SCYL3: variants seen among roughly 807,000 people sequenced by gnomAD.
SCYL3 encodes protein-associating with the carboxyl-terminal domain of ezrin.
SCYL3 carries 35 observed loss-of-function variants against 73.8 expected under a neutral mutation model. The ratio of observed to expected loss-of-function variants is 0.47; its 90% CI spans 0.36 to 0.63. The LOEUF (loss-of-function observed/expected upper bound fraction) is 0.63, where lower values mean the gene tolerates loss of function less well. SCYL3 is among the 20% of genes least tolerant of loss of function. SCYL3 has a pLI of 0.00. For synonymous variants in SCYL3, 277 were observed against 295.2 expected (o/e 0.94, Z 0.63); for missense variants, 712 against 798.9 (o/e 0.89, Z 1.31).
chr1:169,879,749 A>G (rs868445932), intron 2 of SCYL3, among the ~76,000 whole-genome samples: 8 of 152,350 alleles, frequency 5.3e-5, no homozygotes, highest in Middle Eastern at 3.4e-3. Flanking sequence ...GGCCTCAGAT[A>G]TTAGAATTAC....
chr1:169,855,664 G>A (rs1659071156), intron 11 of SCYL3: 2 of 793,924 alleles, frequency 2.5e-6, no homozygotes, highest in South Asian at 2.0e-5. Flanking sequence ...GGAGAAACAA[G>A]ATGAGACCAA....
chr1:169,853,026 A>C lies in SCYL3; in HGVS notation c.*687T>G. 1 of 1,581,656 alleles carries C rather than the reference A, an allele frequency of 6.3e-7. No homozygotes were observed. On this transcript the variant is annotated 3_prime_UTR_variant, in exon 13 of 13. Transcript: ENST00000367771. ...GCAGAACTGGGTTTGATGCTTTGTC[A>C]ACTGAAAATACTTATGTCTGTACAT...
chr1:169,890,182 C>G (rs1661978631), intron 1 of SCYL3, among the ~76,000 whole-genome samples: 2 of 152,222 alleles, frequency 1.3e-5, no homozygotes, highest in Non-Finnish European at 2.9e-5. Flanking sequence ...ACTGTCAGAT[C>G]ATGCCACTTA....
chr1:169,888,645 C>G lies in SCYL3; in HGVS notation c.165+31G>C, dbSNP rs967001520. The G allele has an allele frequency of 2.6e-6, 4 of 1,564,054 alleles. No homozygotes were observed. The African/African-American group carries it at 4.1e-5, about 16-fold the overall frequency. ...AAAGAAAACAAGATAGTAAAAAGTA[C>G]TAACTATTAAGTCGTCACCTATTAT... On this transcript the variant is annotated intron_variant, in intron 2 of 12. Transcript: ENST00000367771.
At chr1:169,870,866 T>G (rs1660341665) in intron 5 of SCYL3, among the ~76,000 whole-genome samples, 2 of 152,236 alleles carry the variant, frequency 1.3e-5, no homozygotes, top group South Asian at 4.1e-4. Flanking sequence ...TGGATAAATC[T>G]GATTTATTTC....
At chr1:169,881,772 C>T (rs1238836441) in intron 2 of SCYL3, among the ~76,000 whole-genome samples, 1 of 152,150 alleles carries the variant, frequency 6.6e-6, no homozygotes, top group Non-Finnish European at 1.5e-5. Context: ...TTCATGAACA[C>T]AATTTTTTCA....
At chr1:169,867,987 G>GA (rs1389791216) in intron 7 of SCYL3, among the ~76,000 whole-genome samples, 1 of 152,094 alleles carries the variant, frequency 6.6e-6, no homozygotes, top group African/African-American at 2.4e-5. Flanking sequence ...AAGTACTTTG[G>GA]AAAGACTCTC....
At chr1:169,868,400 AG>A (rs1489362977) in intron 7 of SCYL3, among the ~76,000 whole-genome samples, 2 of 152,246 alleles carry the variant, frequency 1.3e-5, no homozygotes, top group Non-Finnish European at 2.9e-5. Context: ...ACCTTGAAGA[AG>A]GGTTCAAAAA....
intron 6 of SCYL3, among the ~76,000 whole-genome samples, chr1:169,869,764 C>T (rs1277884195): frequency 6.6e-6 from 1 of 151,990 alleles, no homozygotes; most frequent in African/African-American, 2.4e-5. Context: ...TCTTTAGCAG[C>T]CTGAGCTTTA....
In SCYL3 at chr1:169,852,581, C is replaced by G. The variant is rs889252762; in HGVS notation, c.*1132G>C. On this transcript the variant is annotated 3_prime_UTR_variant, in exon 13 of 13. Transcript: ENST00000367771. ...TGTATACCACATACAAACTAAGACA[C>G]TGGTAGTAGCACTCTGAATTGCTAT... 3 of 575,386 alleles carry G rather than the reference C, an allele frequency of 5.2e-6. No individual in the cohort carries two copies. The highest frequency in any genetic ancestry group is 3.7e-5 in the African/African-American group (2 of 53,340). The allele number at this position is 575,386 out of a possible 1,614,324, so 35.6% of individuals were successfully genotyped here.
rs1660081459 is a variant in SCYL3, at chr1:169,867,041, C to T, written c.738-68G>A. 1.2e-5 allele frequency: 10 copies of T among 812,672 alleles called. No homozygotes were observed. In the South Asian group the frequency reaches 1.4e-4, roughly 11 times the overall value. The allele number at this position is 812,672 out of a possible 1,614,324, so 50.3% of individuals were successfully genotyped here. A position where few individuals can be genotyped will look rare whatever the true frequency, so the allele number is the denominator to read the frequency against. On this transcript the variant is annotated intron_variant, in intron 7 of 12. Coordinates refer to ENST00000367771, the MANE Select transcript of SCYL3 (RefSeq NM_020423.7). ...GAATGTTAAATATTGAGGTCATAAT[C>T]ACAGACTACATCAATATAATTTTCA...
intron 8 of SCYL3, among the ~76,000 whole-genome samples, chr1:169,866,142 T>G (rs575074104): frequency 6.6e-6 from 1 of 152,352 alleles, no homozygotes; most frequent in Admixed American, 6.5e-5. Flanking sequence ...GTCATAATTT[T>G]CCCTGCATAT....
At chr1:169,857,599 T>G (rs750400789) in intron 11 of SCYL3, among the ~76,000 whole-genome samples, 2 of 152,196 alleles carry the variant, frequency 1.3e-5, no homozygotes, top group Non-Finnish European at 2.9e-5. Flanking sequence ...ATGAATTATA[T>G]TCAGTGAAAT....
chr1:169,856,307 A>G (rs1659152728), intron 11 of SCYL3, among the ~76,000 whole-genome samples: 1 of 152,224 alleles, frequency 6.6e-6, no homozygotes, highest in Non-Finnish European at 1.5e-5. Flanking sequence ...TTTAAGAATA[A>G]AAGTTGAAGA....
rs780966106 is a variant in SCYL3 at position 169,888,754 on chromosome 1, A to G, written c.87T>C (p.Ala29=). 110 of 1,614,000 alleles carry G rather than the reference A, an allele frequency of 6.8e-5. No individual in the cohort carries two copies. Among genetic ancestry groups the G allele is most frequent in the Non-Finnish European group, 8.6e-5 (101 of 1,179,986 alleles). The part of the protein sequence containing the change: ...TLPSGLAVYP[A]VLQDGKFASV... ...AAGCAAATTTGCCATCTTGCAGTACAGCGGGATAAACAGCAAGTCCAGAGG... is the reference window on the plus strand; with the variant it reads ...AAGCAAATTTGCCATCTTGCAGTACGGCGGGATAAACAGCAAGTCCAGAGG... Residue 29 remains alanine (A), a synonymous_variant, in exon 2 of 13, where the codon GCT becomes GCC. Coordinates refer to ENST00000367771, the MANE Select transcript of SCYL3 (RefSeq NM_020423.7).
At chr1:169,870,222 T>C in intron 6 of SCYL3, 33 bp downstream of exon 6, 2 of 1,400,718 alleles carry the variant, frequency 1.4e-6, no homozygotes, top group East Asian at 2.3e-5. Flanking sequence ...TTCCTACTTA[T>C]TCTATAGATG....
Position 169,851,760 on chromosome 1 carries a change from T to G in SCYL3, c.*1953A>C, listed in dbSNP as rs1436341080. 6.4e-7 allele frequency: 1 copy of G among 1,572,334 alleles called. No individual in the cohort carries two copies. The highest frequency in any genetic ancestry group is 1.9e-5 in the Admixed American group (1 of 53,618). On this transcript the variant is annotated 3_prime_UTR_variant, in exon 13 of 13. Coordinates refer to ENST00000367771, the MANE Select transcript of SCYL3 (RefSeq NM_020423.7). ...GCACTTAAATTATGTGGCCATTTCA[T>G]ATCTAGTAGAGTGCTAACATGTTGC...
intron 2 of SCYL3, among the ~76,000 whole-genome samples, chr1:169,882,680 G>A (rs1161430133): frequency 5.3e-5 from 8 of 152,270 alleles, no homozygotes; most frequent in Admixed American, 2.6e-4. Context: ...ACCAATCAGC[G>A]CCCTGTGTCT....
intron 5 of SCYL3, among the ~76,000 whole-genome samples, chr1:169,873,338 T>C (rs1184408313): frequency 6.6e-6 from 1 of 152,240 alleles, no homozygotes; most frequent in Non-Finnish European, 1.5e-5. Flanking sequence ...CCCAGCCACA[T>C]GGAACTGTTA....
Sources: gnomAD v4.1 joint callset for allele counts (sites outside exome capture counted in the v4.1 genomes callset) on GRCh38, gnomAD v4.1.1 for gene constraint, MANE v1.5 for transcripts, NCBI Gene and HGNC (gene_info 2026-07-23, HGNC 2026-07-21) for gene names.